The following CDH23 variants were observed in gnomAD, a reference collection of about 807,000 sequenced individuals.
CDH23 encodes the protein cadherin-23.
A neutral mutation model predicts 317.1 loss-of-function variants in CDH23; 189 were observed. The ratio of observed to expected loss-of-function variants is 0.60; its 90% CI spans 0.53 to 0.67. The LOEUF (loss-of-function observed/expected upper bound fraction) is 0.67, where lower values mean the gene tolerates loss of function less well. Ranked by LOEUF, CDH23 falls within the 30% of genes least tolerant of loss-of-function variation. The pLI, the probability that CDH23 is intolerant of heterozygous loss-of-function variation, is 0.00. For missense variants in CDH23, 4,401 were observed against 4,592.4 expected, an observed-to-expected ratio of 0.96 and a Z score of 1.20; for synonymous variants, 1,839 against 1,876.8, an observed-to-expected ratio of 0.98 and a Z score of 0.52.
intron 3 of CDH23, among the ~76,000 whole-genome samples, chr10:71,451,181 G>C (rs540945929): frequency 6.6e-6 from 1 of 151,620 alleles, no homozygotes; most frequent in East Asian, 1.9e-4. Context: ...CTCACCTCTC[G>C]GCCCTTCCAC....
At chr10:71,706,385 A>C (rs1215445712) in intron 25 of CDH23, among the ~76,000 whole-genome samples, 1 of 152,082 alleles carries the variant, frequency 6.6e-6, no homozygotes, top group Non-Finnish European at 1.5e-5. Flanking sequence ...CCACTGTGTG[A>C]CTTTGGACAA....
Position 71,701,808 on chromosome 10 carries a change from C to A in CDH23, c.2398-214C>A, listed in dbSNP as rs149651784. ...TCAAAAATCTTAGCTGGAATACAGA[C>A]TCCCCAGCCATTCCCAGCCCCTCCC... On this transcript the variant is annotated intron_variant, in intron 22 of 69. Transcript: ENST00000224721. Among the ~76,000 whole-genome samples, 8 of 152,282 alleles carry A rather than the reference C, an allele frequency of 5.3e-5. No individual in the cohort carries two copies. In the East Asian group the frequency reaches 1.5e-3, roughly 29 times the overall value.
intron 30 of CDH23, among the ~76,000 whole-genome samples, chr10:71,727,030 A>G (rs1166127914): frequency 6.6e-6 from 1 of 152,226 alleles, no homozygotes; most frequent in African/African-American, 2.4e-5. Context: ...CTGCTCAGCT[A>G]CTTACGTCCT....
In CDH23 at chr10:71,439,744, C is replaced by A. The variant is rs4747153; in HGVS notation, c.-5-83C>A. ...TTCCCAGCCCCAGTTCTCTCTGGAG[C>A]TGCAGAGGTGGGAGGGGCTGAGGAG... On this transcript the variant is annotated intron_variant, in intron 1 of 69. Coordinates refer to ENST00000224721, the MANE Select transcript of CDH23 (RefSeq NM_022124.6). The A allele has an allele frequency of 0.44, 427,415 of 960,604 alleles. 101,347 individuals carry two copies. Among genetic ancestry groups the A allele is most frequent in the East Asian group, 0.54 (20,732 of 38,058 alleles). The allele number at this position is 960,604 out of a possible 1,614,324, so 59.5% of individuals were successfully genotyped here.
At chr10:71,811,679 C>G (rs549450830) in intron 64 of CDH23, 34 bp from the exon 65 acceptor site, 1 of 1,612,926 alleles carries the variant, frequency 6.2e-7, no homozygotes, top group Non-Finnish European at 8.5e-7. Context: ...GTCAGCTTGG[C>G]CCCCCTCACC....
At chr10:71,814,473 C>T (rs755422807) in intron 69 of CDH23, among the ~76,000 whole-genome samples, 2 of 152,214 alleles carry the variant, frequency 1.3e-5, no homozygotes, top group Non-Finnish European at 2.9e-5. Flanking sequence ...CTTTGGGAGG[C>T]TGAGGCTGGT....
At chr10:71,755,334 A>G in intron 38 of CDH23, 1 of 1,595,908 alleles carries the variant, frequency 6.3e-7, no homozygotes, top group Non-Finnish European at 8.6e-7. Context: ...CCGTCCACCC[A>G]CCCCAGGCAG....
In CDH23 at chr10:71,793,647, G is replaced by T. The variant is rs1184750660; in HGVS notation, c.6712+7G>T. The T allele has an allele frequency of 6.4e-7, 1 of 1,552,124 alleles. No individual in the cohort carries two copies. Among genetic ancestry groups the T allele is most frequent in the Non-Finnish European group, 8.7e-7 (1 of 1,146,682 alleles). Reference sequence around the variant, plus strand: ...GCTGTGAATATCAACACAGGTACAAGGGCCTGCACCCCTCCCACCTCCCTC... The same window carrying T: ...GCTGTGAATATCAACACAGGTACAATGGCCTGCACCCCTCCCACCTCCCTC... On this transcript the variant is annotated splice_region_variant and intron_variant, in intron 48 of 69. Coordinates refer to ENST00000224721, the MANE Select transcript of CDH23 (RefSeq NM_022124.6).
rs773489759 is a variant in CDH23, at chr10:71,713,545, C to A, written c.3369+732C>A. On this transcript the variant is annotated intron_variant, in intron 28 of 69. Transcript: ENST00000224721. ...CCCTCCCTGCATCGGGACCAGGAGG[C>A]GGGCAGGAAAGGGCTGGGGAGCAGG... 4 of 481,484 alleles carry A rather than the reference C, an allele frequency of 8.3e-6. No individual in the cohort carries two copies. In the Admixed American group the frequency reaches 1.1e-4, roughly 13 times the overall value. The allele number at this position is 481,484 out of a possible 1,614,324, so 29.8% of individuals were successfully genotyped here.
rs144556785 is a variant in CDH23 at position 71,540,692 on chromosome 10, G to C, written c.430-26050G>C. ...CCGTCTCTCAGTTGTGCCGACCAGG[G>C]CCCCAGCTGAGAAATTCCCCAGCAG... On this transcript the variant is annotated intron_variant, in intron 6 of 69. Coordinates refer to ENST00000224721, the MANE Select transcript of CDH23 (RefSeq NM_022124.6). Among the ~76,000 whole-genome samples the C allele has an allele frequency of 1.5e-3, 228 of 152,214 alleles. 1 individual carries two copies. The highest frequency in any genetic ancestry group is 5.3e-3 in the African/African-American group (219 of 41,554).
At chr10:71,794,579 G>T (rs145062778) in intron 48 of CDH23, 1 of 152,240 alleles carries the variant, frequency 6.6e-6, no homozygotes, top group African/African-American at 2.4e-5. Context: ...GGAAGGCCCA[G>T]AGGAATGATA....
At chr10:71,597,966 C>G (rs1476838896) in intron 9 of CDH23, among the ~76,000 whole-genome samples, 1 of 152,150 alleles carries the variant, frequency 6.6e-6, no homozygotes, top group Non-Finnish European at 1.5e-5. Flanking sequence ...AGGGGAGGGC[C>G]TGGCCATAGC....
chr10:71,507,824 T>A (rs1259529089), intron 3 of CDH23, among the ~76,000 whole-genome samples: 1 of 152,264 alleles, frequency 6.6e-6, no homozygotes, highest in African/African-American at 2.4e-5. Context: ...TCTGTGACTT[T>A]CACATACTTC....
chr10:71,515,748 G>A (rs953231611), intron 6 of CDH23, among the ~76,000 whole-genome samples: 1 of 152,184 alleles, frequency 6.6e-6, no homozygotes, highest in Non-Finnish European at 1.5e-5. Context: ...AATGTAGCTA[G>A]GAAAAGTCCT....
chr10:71,653,137 T>TCCAGC (rs1406724803), intron 14 of CDH23, among the ~76,000 whole-genome samples: 4 of 152,106 alleles, frequency 2.6e-5, no homozygotes, highest in Admixed American at 2.0e-4. Context: ...TTCCTCCTGG[T>TCCAGC]CCAGCCCAGC....
intron 3 of CDH23, among the ~76,000 whole-genome samples, chr10:71,491,697 G>A (rs1416651650): frequency 1.3e-5 from 2 of 152,292 alleles, no homozygotes; most frequent in Non-Finnish European, 2.9e-5. Context: ...GTTGGCAGAT[G>A]GGGGAGACAC....
rs77326085 is a variant in CDH23, at chr10:71,528,618, G to A, written c.429+17406G>A. ...GCTATTCTCTTCCTGCGACCAGCGC[G>A]ATAGGAGTGATTGAGGTGCCCGGGC... is the stretch of plus-strand genomic sequence containing the variant. On this transcript the variant is annotated intron_variant, in intron 6 of 69. Coordinates refer to ENST00000224721, the MANE Select transcript of CDH23 (RefSeq NM_022124.6). 8.6e-3 allele frequency among the ~76,000 whole-genome samples: 1,307 copies of A among 152,380 alleles called. 21 individuals are homozygous for A. The highest frequency in any genetic ancestry group is 0.03 in the African/African-American group (1,249 of 41,582).
At position 71,809,747 on chromosome 10, in the gene CDH23, G is replaced by A; in HGVS notation, c.8723-73G>A. 2.6e-6 allele frequency: 4 copies of A among 1,563,544 alleles called. No individual in the cohort carries two copies. The South Asian group carries it at 3.5e-5, about 14-fold the overall frequency. ...CCCCTAGATGTGCCCACCTACCCCA[G>A]GGCTCATGCCCCTTCCTGGGGATTC... On this transcript the variant is annotated intron_variant, in intron 60 of 69. Transcript: ENST00000224721.
intron 32 of CDH23, among the ~76,000 whole-genome samples, chr10:71,733,913 A>T (rs1839473175): frequency 6.6e-6 from 1 of 152,274 alleles, no homozygotes. Context: ...TCAGTCCTCA[A>T]AGAGTTCTCA....
Sources: gnomAD v4.1 joint callset for allele counts (sites outside exome capture counted in the v4.1 genomes callset) on GRCh38, gnomAD v4.1.1 for gene constraint, MANE v1.5 for transcripts, NCBI Gene and HGNC (gene_info 2026-07-23, HGNC 2026-07-21) for gene names.